The following LETM2 variants were observed in gnomAD, a reference collection of about 807,000 sequenced individuals.
LETM2 encodes the protein leucine zipper and EF-hand containing transmembrane protein 2, also known as LETM1 domain-containing protein LETM2, mitochondrial.
A neutral mutation model predicts 59.6 loss-of-function variants in LETM2; 58 were observed. The observed-to-expected ratio is 0.97, with a 90% CI of 0.79 to 1.21. LETM2 has a LOEUF of 1.21. Ranked by LOEUF, LETM2 falls within the 50% of genes most tolerant of loss-of-function variation. The pLI is 0.00. For missense variants in LETM2, 572 were observed against 575.7 expected (o/e 0.99, Z 0.07); for synonymous variants, 199 against 214.1 (o/e 0.93, Z 0.62).
chr8:38,395,503 G>A (rs1186881908), intron 4 of LETM2, among the ~76,000 whole-genome samples: 1 of 151,592 alleles, frequency 6.6e-6, no homozygotes, highest in African/African-American at 2.4e-5. Context: ...GGAGGTGTCT[G>A]TTTAGATCTT....
chr8:38,389,684 G>T (rs1812057151), intron 2 of LETM2, among the ~76,000 whole-genome samples: 1 of 151,840 alleles, frequency 6.6e-6, no homozygotes, highest in Admixed American at 6.6e-5. Flanking sequence ...TAGACAGGAA[G>T]ATAGCTCGAG....
At chr8:38,396,349 A>G (rs1812692207) in intron 4 of LETM2, among the ~76,000 whole-genome samples, 1 of 151,754 alleles carries the variant, frequency 6.6e-6, no homozygotes, top group African/African-American at 2.4e-5. Flanking sequence ...TTTTTAGTAG[A>G]GCCAGGATTT....
chr8:38,388,048 C>A lies in LETM2; in HGVS notation c.47+18C>A. 9 of 1,477,502 alleles carry A rather than the reference C, an allele frequency of 6.1e-6. No homozygotes were observed. The highest frequency in any genetic ancestry group is 8.2e-6 in the Non-Finnish European group (9 of 1,099,626). The allele number at this position is 1,477,502 out of a possible 1,614,324, so 91.5% of individuals were successfully genotyped here. ...CGAACAAGGTAAGCATTGGAGTTAC[C>A]CCCCAATATGAACGTAATTCTTCTT... On this transcript the variant is annotated intron_variant, in intron 2 of 10. Coordinates refer to ENST00000379957, the MANE Select transcript of LETM2 (RefSeq NM_001286819.2).
At chr8:38,402,790 G>A (rs749353298) in intron 7 of LETM2, 146 bp downstream of exon 7, 3 of 767,306 alleles carry the variant, frequency 3.9e-6, no homozygotes, top group East Asian at 2.7e-5. Flanking sequence ...TGAAGGACTA[G>A]GTTGATTTTT....
chr8:38,403,423 G>A (rs2150447440), intron 7 of LETM2, among the ~76,000 whole-genome samples: 1 of 152,382 alleles, frequency 6.6e-6, no homozygotes, highest in Non-Finnish European at 1.5e-5. Flanking sequence ...CCTGTCATCT[G>A]TGTGAATCTG....
At chr8:38,394,410 C>A (rs970287617) in intron 4 of LETM2, 169 bp downstream of exon 4, 5 of 442,470 alleles carry the variant, frequency 1.1e-5, no homozygotes, top group South Asian at 1.2e-4. Flanking sequence ...ATTAAAAAAA[C>A]CAATATTGAC....
At chr8:38,407,547 T>C (rs1813830988) in intron 10 of LETM2, 84 bp downstream of exon 10, 1 of 921,064 alleles carries the variant, frequency 1.1e-6, no homozygotes, top group Non-Finnish European at 1.7e-6. Context: ...CTAGAATTAG[T>C]CCTGTTGCAA....
rs761942841 is a variant in LETM2, at chr8:38,392,836, G to A, written c.342G>A (p.Glu114=). The part of the protein sequence containing the change: ...SPQATKETGM[E]IKEGKQSYRQ... ...AGGCCACAAAAGAAACTGGCATGGA[G>A]ATTAAAGAAGGCAAACAATCTTATA... is the stretch of plus-strand genomic sequence containing the variant. Residue 114 remains glutamate, a synonymous_variant, in exon 3 of 11, where the codon GAG becomes GAA. Transcript: ENST00000379957. 6.2e-7 allele frequency: 1 copy of A among 1,614,152 alleles called. No individual in the cohort carries two copies. The highest frequency in any genetic ancestry group is 8.5e-7 in the Non-Finnish European group (1 of 1,180,042).
At position 38,406,945 on chromosome 8, in the gene LETM2, G is replaced by A; in HGVS notation, c.1219-1G>A. 3 of 1,599,694 alleles carry A rather than the reference G, an allele frequency of 1.9e-6. No homozygotes were observed. Among genetic ancestry groups the A allele is most frequent in the Admixed American group, 1.7e-5 (1 of 59,660 alleles). ...GATACATAAAATGTTTATCTCCCCA[G>A]GCTCCAAAGACTGATATTCTTGTGG... is the stretch of plus-strand genomic sequence containing the variant. On this transcript the variant is annotated splice_acceptor_variant, in intron 8 of 10. Transcript: ENST00000379957. LOFTEE classifies it high-confidence loss of function.
upstream of LETM2, among the ~76,000 whole-genome samples, chr8:38,385,411 G>T (rs1422615458): frequency 1.3e-5 from 2 of 151,900 alleles, no homozygotes; most frequent in African/African-American, 2.4e-5. Flanking sequence ...ATTTTTTTTT[G>T]AGGTGGAATC....
chr8:38,392,688 C>T lies in LETM2; in HGVS notation c.194C>T (p.Thr65Ile), dbSNP rs542290756. ...KYSDPSQPGNTVLHPGTRLIQ... is the reference protein window; with the variant it reads ...KYSDPSQPGNIVLHPGTRLIQ... ...TCGGATCCTAGTCAGCCAGGCAATA[C>T]AGTACTTCACCCAGGAACTAGACTA... The change falls in exon 3 of 11, where the codon ACA (threonine) becomes ATA (isoleucine). Residue 65 changes from threonine (T) to isoleucine (I), a missense_variant. Physicochemically the swap from Thr to Ile is moderately conservative, Grantham distance 89. Coordinates refer to ENST00000379957, the MANE Select transcript of LETM2 (RefSeq NM_001286819.2). 33 of 1,614,156 alleles carry T rather than the reference C, an allele frequency of 2.0e-5. No individual in the cohort carries two copies. The East Asian group carries it at 5.8e-4, about 28-fold the overall frequency.
upstream of LETM2, among the ~76,000 whole-genome samples, chr8:38,385,025 C>A (rs1811715760): frequency 6.6e-6 from 1 of 152,156 alleles, no homozygotes; most frequent in South Asian, 2.1e-4. Flanking sequence ...AATTTGACCA[C>A]CAGGAATTTT....
chr8:38,401,886 G>A (rs1813259711), intron 6 of LETM2, among the ~76,000 whole-genome samples: 1 of 152,200 alleles, frequency 6.6e-6, no homozygotes, highest in African/African-American at 2.4e-5. Context: ...TGGAAGGAAT[G>A]TTTGACTCAG....
At chr8:38,396,067 A>G (rs1488024335) in intron 4 of LETM2, among the ~76,000 whole-genome samples, 1 of 152,034 alleles carries the variant, frequency 6.6e-6, no homozygotes, top group African/African-American at 2.4e-5. Flanking sequence ...TTATTGCCCA[A>G]CTGAAGGTCA....
intron 2 of LETM2, among the ~76,000 whole-genome samples, chr8:38,388,635 G>A (rs138015427): frequency 4.7e-4 from 70 of 150,002 alleles, no homozygotes; most frequent in African/African-American, 1.6e-3. Flanking sequence ...CAGGAGAATC[G>A]CTTGAACCTG....
upstream of LETM2, among the ~76,000 whole-genome samples, chr8:38,385,610 A>G (rs55796824): frequency 0.22 from 32,790 of 151,986 alleles, 3,802 homozygotes; most frequent in East Asian, 0.31. Flanking sequence ...GTTGGCCAAG[A>G]TGTTTTCTGT....
intron 8 of LETM2, among the ~76,000 whole-genome samples, chr8:38,405,996 T>C (rs747331475): frequency 6.6e-6 from 1 of 152,214 alleles, no homozygotes; most frequent in Non-Finnish European, 1.5e-5. Context: ...CATGCTAGGT[T>C]CTGTGAAGAA....
At chr8:38,406,845 G>C in intron 8 of LETM2, 101 bp from the exon 9 acceptor site, 1 of 708,494 alleles carries the variant, frequency 1.4e-6, no homozygotes, top group East Asian at 2.6e-5. Flanking sequence ...GGGATTTAGT[G>C]GAAAGCAAAT....
intron 4 of LETM2, among the ~76,000 whole-genome samples, chr8:38,395,765 C>T (rs1039969778): frequency 6.6e-6 from 1 of 152,194 alleles, no homozygotes; most frequent in Non-Finnish European, 1.5e-5. Flanking sequence ...ATCCACACAC[C>T]TCAGCCTCCC....
Sources: allele counts gnomAD v4.1 joint callset (sites outside exome capture counted in the v4.1 genomes callset), GRCh38; gene constraint gnomAD v4.1.1; transcripts MANE v1.5; gene names NCBI Gene and HGNC (gene_info 2026-07-23, HGNC 2026-07-21).